Variants in FILIP1 observed in about 807,000 individuals in gnomAD.
FILIP1 encodes the protein filamin A interacting protein 1, also known as filamin-A-interacting protein 1.
A neutral mutation model predicts 102.1 loss-of-function variants in FILIP1; 61 were observed. The ratio of observed to expected loss-of-function variants is 0.60; its 90% CI spans 0.49 to 0.74. The LOEUF is 0.74. Among genes scored for constraint, FILIP1 ranks in the 30% least tolerant of loss-of-function variants. The pLI, the probability that FILIP1 is intolerant of heterozygous loss-of-function variation, is 0.00. For missense variants in FILIP1, 1,314 were observed against 1,441.2 expected (o/e 0.91, Z 1.43); for synonymous variants, 491 against 526.9 (o/e 0.93, Z 0.93).
At chr6:75,335,472 CT>C (rs1774211141) in intron 4 of FILIP1, among the ~76,000 whole-genome samples, 1 of 150,080 alleles carries the variant, frequency 6.7e-6, no homozygotes, top group East Asian at 2.0e-4. Flanking sequence ...TTTTTCTTTT[CT>C]TTTTTTCCCA....
chr6:75,424,848 A>G (rs959925104), intron 1 of FILIP1, among the ~76,000 whole-genome samples: 2 of 152,156 alleles, frequency 1.3e-5, no homozygotes, highest in African/African-American at 4.8e-5. Flanking sequence ...AGATCACCCC[A>G]TCTGTGTGCT....
chr6:75,430,699 G>A (rs967939303), intron 1 of FILIP1, among the ~76,000 whole-genome samples: 1 of 152,110 alleles, frequency 6.6e-6, no homozygotes, highest in African/African-American at 2.4e-5. Context: ...CCAAATTAGT[G>A]GCAGTCTCAT....
chr6:75,443,665 C>G (rs1321249877), intron 1 of FILIP1, among the ~76,000 whole-genome samples: 1 of 152,166 alleles, frequency 6.6e-6, no homozygotes. Flanking sequence ...TTCCTCATTT[C>G]TCTTAAACAA....
chr6:75,360,029 C>T (rs1417275672), intron 3 of FILIP1, among the ~76,000 whole-genome samples: 1 of 152,170 alleles, frequency 6.6e-6, no homozygotes, highest in East Asian at 1.9e-4. Flanking sequence ...TCACTGAGGG[C>T]AAAGACAATA....
At chr6:75,412,300 G>A (rs1044186863) in intron 2 of FILIP1, among the ~76,000 whole-genome samples, 1 of 152,058 alleles carries the variant, frequency 6.6e-6, no homozygotes, top group Non-Finnish European at 1.5e-5. Context: ...TGCTTATCAG[G>A]TTAAGGAGTT....
chr6:75,378,433 T>C (rs1467857495), intron 2 of FILIP1, among the ~76,000 whole-genome samples: 1 of 152,226 alleles, frequency 6.6e-6, no homozygotes, highest in East Asian at 1.9e-4. Flanking sequence ...GTTGGAAACA[T>C]GCACATAGGC....
intron 3 of FILIP1, among the ~76,000 whole-genome samples, chr6:75,360,268 T>G (rs1269719393): frequency 6.6e-6 from 1 of 152,206 alleles, no homozygotes; most frequent in Non-Finnish European, 1.5e-5. Context: ...GAATATAATT[T>G]TGCTTGAGAA....
chr6:75,433,128 C>T (rs1391446045), intron 1 of FILIP1, among the ~76,000 whole-genome samples: 2 of 152,322 alleles, frequency 1.3e-5, no homozygotes, highest in East Asian at 3.9e-4. Context: ...AATAGTGCTA[C>T]AATAAACATA....
At chr6:75,296,686 A>T (rs1203266335) in intron 6 of FILIP1, 2 of 150,716 alleles carry the variant, frequency 1.3e-5, no homozygotes, top group Non-Finnish European at 2.9e-5. Context: ...CTTTTAGTAG[A>T]GACGGGTTTC....
rs1335511992 is a variant in FILIP1 at position 75,312,756 on chromosome 6, C to G, written c.3076G>C (p.Glu1026Gln). 6.2e-7 allele frequency: 1 copy of G among 1,614,122 alleles called. No individual in the cohort carries two copies. Among genetic ancestry groups the G allele is most frequent in the South Asian group, 1.1e-5 (1 of 91,082 alleles). Reference sequence around the variant, plus strand: ...CGTCCCATGGGCATTTCCTGGGATTCGGGAGAAACTGCAATCTCAGCTGGT... The same window carrying G: ...CGTCCCATGGGCATTTCCTGGGATTGGGGAGAAACTGCAATCTCAGCTGGT... The part of the protein sequence containing the change: ...AAPAEIAVSP[E>Q]SQEMPMGRTI... Residue 1026 changes from glutamate to glutamine, a missense_variant, in exon 5 of 6, where the codon GAA becomes CAA. Around this residue, in one of 3 missense-constraint regions of FILIP1, gnomAD observed 816 missense variants for 913.1 expected, o/e 0.89. Coordinates refer to ENST00000237172, the MANE Select transcript of FILIP1 (RefSeq NM_015687.5).
chr6:75,405,254 A>C (rs1050957886), intron 2 of FILIP1, among the ~76,000 whole-genome samples: 4 of 152,166 alleles, frequency 2.6e-5, no homozygotes, highest in African/African-American at 7.2e-5. Flanking sequence ...TTAAAGCTTC[A>C]AAGTAGAGAA....
intron 1 of FILIP1, among the ~76,000 whole-genome samples, chr6:75,441,924 G>A (rs1198911958): frequency 6.6e-6 from 1 of 151,130 alleles, no homozygotes; most frequent in Non-Finnish European, 1.5e-5. Flanking sequence ...GCGGCTGGCC[G>A]GGCGGGGGGC....
At chr6:75,373,172 A>C (rs1775631519) in intron 2 of FILIP1, among the ~76,000 whole-genome samples, 1 of 152,238 alleles carries the variant, frequency 6.6e-6, no homozygotes, top group African/African-American at 2.4e-5. Context: ...TAAGTATAAC[A>C]AGTCAGTTAC....
downstream of FILIP1, among the ~76,000 whole-genome samples, chr6:75,304,241 G>T (rs937175932): frequency 6.6e-6 from 1 of 152,034 alleles, no homozygotes; most frequent in African/African-American, 2.4e-5. Flanking sequence ...TTGAGACAGG[G>T]TCTTACTTTG....
intron 4 of FILIP1, among the ~76,000 whole-genome samples, chr6:75,336,063 C>A (rs1197345804): frequency 2.0e-5 from 3 of 152,088 alleles, no homozygotes; most frequent in Non-Finnish European, 4.4e-5. Flanking sequence ...AGATACTAAC[C>A]AATTAGTTAT....
At chr6:75,485,968 A>AACACACAC (rs529165652) in intron 1 of FILIP1, among the ~76,000 whole-genome samples, 180 of 145,304 alleles carry the variant, frequency 1.2e-3, no homozygotes, top group African/African-American at 4.4e-3. Flanking sequence ...TTCTGACCAA[A>AACACACAC]ACACACACAC....
At position 75,425,733 on chromosome 6, in the gene FILIP1, T is replaced by C. The variant is rs543250282; in HGVS notation, c.-6-10755A>G. ...GTCCTCATCTGTAAAATGAGGACAATAAAGTATTAGATGTGCTACCCACTG... is the reference window on the plus strand; with the variant it reads ...GTCCTCATCTGTAAAATGAGGACAACAAAGTATTAGATGTGCTACCCACTG... On this transcript the variant is annotated intron_variant, in intron 1 of 5. Transcript: ENST00000237172. 6.6e-5 allele frequency among the ~76,000 whole-genome samples: 10 copies of C among 152,266 alleles called. No individual in the cohort carries two copies. The East Asian group carries it at 9.6e-4, about 15-fold the overall frequency.
At chr6:75,345,612 G>A (rs1427941703) in intron 4 of FILIP1, among the ~76,000 whole-genome samples, 1 of 152,052 alleles carries the variant, frequency 6.6e-6, no homozygotes, top group Non-Finnish European at 1.5e-5. Context: ...CCTTTTCCGT[G>A]CGCTATGTAA....
At chr6:75,429,241 G>A (rs777001446) in intron 1 of FILIP1, among the ~76,000 whole-genome samples, 8 of 152,072 alleles carry the variant, frequency 5.3e-5, no homozygotes, top group African/African-American at 1.7e-4. Context: ...TCTATCCTCC[G>A]AAACCAATTG....
Sources: gnomAD v4.1 joint callset for allele counts (sites outside exome capture counted in the v4.1 genomes callset) on GRCh38, gnomAD v4.1.1 for gene constraint, gnomAD v4.1.1 regional missense constraint, MANE v1.5 for transcripts, NCBI Gene and HGNC (gene_info 2026-07-23, HGNC 2026-07-21) for gene names.